THSD7B: variants seen among roughly 807,000 people sequenced by gnomAD.
THSD7B encodes thrombospondin type-1 domain-containing protein 7B.
Under a neutral mutation model 213.6 loss-of-function variants are expected in THSD7B, and 138 were observed. The ratio of observed to expected loss-of-function variants is 0.65; its 90% CI spans 0.56 to 0.74. THSD7B has a LOEUF of 0.74. Ranked by LOEUF, THSD7B falls within the 30% of genes least tolerant of loss-of-function variation. The pLI is 0.00. For missense variants in THSD7B, 1,931 were observed against 1,991.5 expected, an observed-to-expected ratio of 0.97 and a Z score of 0.58; for synonymous variants, 742 against 687.0, an observed-to-expected ratio of 1.08 and a Z score of -1.25.
At chr2:137,426,287 C>G (rs1172154253) in intron 14 of THSD7B, among the ~76,000 whole-genome samples, 4 of 151,966 alleles carry the variant, frequency 2.6e-5, no homozygotes, top group African/African-American at 4.8e-5. Context: ...CAACCCTTAT[C>G]AAAACCTCAA....
At position 137,398,792 on chromosome 2, in the gene THSD7B, A is replaced by G. The variant is rs186894173; in HGVS notation, c.2501-6821A>G. ...CTGCTGCCTTGCAGTTTGATCTCAGACTGCTGTGCTAGCAATCAGCGAGAT... is the reference window on the plus strand; with the variant it reads ...CTGCTGCCTTGCAGTTTGATCTCAGGCTGCTGTGCTAGCAATCAGCGAGAT... On this transcript the variant is annotated intron_variant, in intron 12 of 27. Coordinates refer to ENST00000409968, the MANE Select transcript of THSD7B (RefSeq NM_001316349.2). Among the ~76,000 whole-genome samples, 197 of 152,272 alleles carry G rather than the reference A, an allele frequency of 1.3e-3. 1 individual carries two copies. Among genetic ancestry groups the G allele is most frequent in the African/African-American group, 4.4e-3 (181 of 41,542 alleles).
intron 7 of THSD7B, among the ~76,000 whole-genome samples, chr2:137,189,818 T>A (rs1258495068): frequency 6.6e-6 from 1 of 152,090 alleles, no homozygotes; most frequent in East Asian, 1.9e-4. Flanking sequence ...TCTTACTGCA[T>A]GGCTTCACAT....
At chr2:136,818,436 T>C (rs10197050) in intron 1 of THSD7B, among the ~76,000 whole-genome samples, 21,539 of 150,250 alleles carry the variant, frequency 0.14, 1,663 homozygotes, top group Middle Eastern at 0.31. Flanking sequence ...TTGGGAGATA[T>C]ACCTAATGCT....
In THSD7B at chr2:137,426,401, G is replaced by A. The variant is rs541036793; in HGVS notation, c.2959+14529G>A. On this transcript the variant is annotated intron_variant, in intron 14 of 27. Coordinates refer to ENST00000409968, the MANE Select transcript of THSD7B (RefSeq NM_001316349.2). ...ATATTGAACAAGAAGAACAAAGCTG[G>A]AGGCACCACACTTCCTGAGTTAAAA... 1.2e-4 allele frequency among the ~76,000 whole-genome samples: 19 copies of A among 152,130 alleles called. No homozygotes were observed. In the South Asian group the frequency reaches 3.9e-3, roughly 32 times the overall value.
intron 9 of THSD7B, among the ~76,000 whole-genome samples, chr2:137,238,287 G>A (rs1681812921): frequency 1.3e-5 from 2 of 152,098 alleles, no homozygotes; most frequent in Admixed American, 1.3e-4. Context: ...GAACCCTTGT[G>A]ACTCCTGGGC....
intron 1 of THSD7B, among the ~76,000 whole-genome samples, chr2:136,803,973 C>G (rs1402272055): frequency 6.6e-6 from 1 of 152,168 alleles, no homozygotes. Flanking sequence ...AGCCCATCTA[C>G]TTTACTTAGT....
In THSD7B at chr2:136,886,616, C is replaced by T. The variant is rs1573689316; in HGVS notation, c.139+4299C>T. 2.0e-5 allele frequency among the ~76,000 whole-genome samples: 3 copies of T among 152,268 alleles called. No homozygotes were observed. The South Asian group carries it at 6.2e-4, about 32-fold the overall frequency. On this transcript the variant is annotated intron_variant, in intron 2 of 27. Transcript: ENST00000409968. ...GATAAACATTCTAAAATGCACAGAG[C>T]AGTCTTCTACAATAAAGAATTATCA...
intron 21 of THSD7B, among the ~76,000 whole-genome samples, chr2:137,654,678 G>A (rs186218300): frequency 2.6e-5 from 4 of 152,234 alleles, no homozygotes; most frequent in African/African-American, 9.6e-5. Context: ...TGTGGCACCA[G>A]GAACTGTCTT....
intron 2 of THSD7B, among the ~76,000 whole-genome samples, chr2:136,939,701 G>A (rs1684788773): frequency 6.6e-6 from 1 of 152,016 alleles, no homozygotes; most frequent in Admixed American, 6.6e-5. Flanking sequence ...TAACCCTTAA[G>A]TGTTATATAT....
intron 7 of THSD7B, among the ~76,000 whole-genome samples, chr2:137,199,086 C>T (rs1213804857): frequency 6.6e-6 from 1 of 152,238 alleles, no homozygotes; most frequent in Non-Finnish European, 1.5e-5. Flanking sequence ...GTGTGATCTG[C>T]AGTATAAATT....
At chr2:137,458,435 G>A (rs1687813762) in intron 15 of THSD7B, among the ~76,000 whole-genome samples, 1 of 152,098 alleles carries the variant, frequency 6.6e-6, no homozygotes, top group African/African-American at 2.4e-5. Context: ...TACTGATAAA[G>A]CCATGTTTCA....
chr2:136,994,785 A>G (rs763841276), intron 2 of THSD7B, among the ~76,000 whole-genome samples: 2 of 152,202 alleles, frequency 1.3e-5, no homozygotes, highest in Non-Finnish European at 2.9e-5. Context: ...TAACATTCAA[A>G]TACAGATTAC....
At chr2:137,265,878 G>A (rs1320391224) in intron 10 of THSD7B, among the ~76,000 whole-genome samples, 1 of 152,160 alleles carries the variant, frequency 6.6e-6, no homozygotes, top group Admixed American at 6.5e-5. Context: ...TAGAATTGCT[G>A]TGAGAAAACA....
At chr2:136,929,704 A>G (rs1184634383) in intron 2 of THSD7B, among the ~76,000 whole-genome samples, 1 of 152,192 alleles carries the variant, frequency 6.6e-6, no homozygotes, top group African/African-American at 2.4e-5. Context: ...TTTAGGAGGT[A>G]GGTGCTGGTG....
At chr2:137,287,940 G>A (rs1664188928) in intron 12 of THSD7B, among the ~76,000 whole-genome samples, 1 of 152,064 alleles carries the variant, frequency 6.6e-6, no homozygotes, top group Non-Finnish European at 1.5e-5. Flanking sequence ...AATGTAATAA[G>A]ATTATATGTC....
intron 10 of THSD7B, among the ~76,000 whole-genome samples, chr2:137,265,024 G>A (rs1288995654): frequency 6.6e-6 from 1 of 151,168 alleles, no homozygotes; most frequent in East Asian, 2.0e-4. Context: ...TCCCCTTCCT[G>A]TGTCCATGTG....
chr2:136,842,299 G>A (rs1682932192), intron 1 of THSD7B, among the ~76,000 whole-genome samples: 1 of 152,208 alleles, frequency 6.6e-6, no homozygotes, highest in South Asian at 2.1e-4. Context: ...AGCCAAAGAA[G>A]TACTAACAGT....
At chr2:136,774,078 T>G (rs959070976) in intron 1 of THSD7B, among the ~76,000 whole-genome samples, 2 of 152,188 alleles carry the variant, frequency 1.3e-5, no homozygotes, top group Non-Finnish European at 2.9e-5. Context: ...ATACATAGTA[T>G]GAAATCACCT....
chr2:136,960,455 G>A (rs1409696475), intron 2 of THSD7B, among the ~76,000 whole-genome samples: 3 of 152,060 alleles, frequency 2.0e-5, no homozygotes, highest in Admixed American at 6.6e-5. Flanking sequence ...GGTCTCTAAC[G>A]TCTCTTCCCC....
Sources: gnomAD v4.1 joint callset for allele counts (sites outside exome capture counted in the v4.1 genomes callset) on GRCh38, gnomAD v4.1.1 for gene constraint, MANE v1.5 for transcripts, NCBI Gene and HGNC (gene_info 2026-07-23, HGNC 2026-07-21) for gene names.